The following RTN4RL1 variants were observed in gnomAD, a reference collection of about 807,000 sequenced individuals.
The protein encoded by RTN4RL1 is reticulon-4 receptor-like 1.
In RTN4RL1, 7 loss-of-function variants were observed where a neutral mutation model predicts 25.6. That is an observed-to-expected ratio of 0.27 (90% confidence interval 0.16 to 0.51). The LOEUF (loss-of-function observed/expected upper bound fraction) is 0.51. Among genes scored for constraint, RTN4RL1 ranks in the 20% least tolerant of loss-of-function variants. RTN4RL1 has a pLI of 0.97. For missense variants in RTN4RL1, 500 were observed against 615.6 expected, an observed-to-expected ratio of 0.81 and a Z score of 1.99; for synonymous variants, 297 against 288.2, an observed-to-expected ratio of 1.03 and a Z score of -0.31.
chr17:1,989,221 C>A (rs998134487), intron 1 of RTN4RL1, among the ~76,000 whole-genome samples: 2 of 152,082 alleles, frequency 1.3e-5, no homozygotes, highest in African/African-American at 4.8e-5. Flanking sequence ...AGGAGATGGA[C>A]TCAACTGATG....
At position 1,959,464 on chromosome 17, in the gene RTN4RL1, T is replaced by C. The variant is rs577621665; in HGVS notation, c.14-21656A>G. 8.7e-4 allele frequency among the ~76,000 whole-genome samples: 133 copies of C among 152,272 alleles called. 1 individual carries two copies. The highest frequency in any genetic ancestry group is 3.1e-3 in the African/African-American group (129 of 41,556). On this transcript the variant is annotated intron_variant, in intron 1 of 1. Transcript: ENST00000331238. The stretch of plus-strand genomic sequence containing the variant: ...TCTTGGTCTGCTCTTCCCGGCCTGA[T>C]GACCACATACACCTAAATCCCCAGA...
chr17:1,970,281 A>G (rs2151312891), intron 1 of RTN4RL1, among the ~76,000 whole-genome samples: 1 of 152,178 alleles, frequency 6.6e-6, no homozygotes, highest in South Asian at 2.1e-4. Flanking sequence ...TCAGCCTCCC[A>G]AAGTGCTGGT....
intron 1 of RTN4RL1, among the ~76,000 whole-genome samples, chr17:1,947,495 G>GC (rs1915581271): frequency 6.6e-6 from 1 of 152,122 alleles, no homozygotes; most frequent in Non-Finnish European, 1.5e-5. Flanking sequence ...TTCAACTCCC[G>GC]CCCTCCTCCC....
intron 1 of RTN4RL1, among the ~76,000 whole-genome samples, chr17:2,011,396 G>A (rs1487010349): frequency 1.3e-5 from 2 of 152,212 alleles, no homozygotes; most frequent in Non-Finnish European, 2.9e-5. Flanking sequence ...AACACGGTCC[G>A]ACAGGAGTCA....
intron 1 of RTN4RL1, among the ~76,000 whole-genome samples, chr17:1,970,547 C>T (rs550039140): frequency 3.9e-5 from 6 of 152,278 alleles, no homozygotes; most frequent in Admixed American, 3.3e-4. Context: ...GTGGGACAGG[C>T]GTGGCAGGAG....
intron 1 of RTN4RL1, among the ~76,000 whole-genome samples, chr17:2,022,843 G>C (rs866284494): frequency 3.9e-5 from 6 of 152,208 alleles, no homozygotes; most frequent in Admixed American, 1.3e-4. Flanking sequence ...GGAAGAAACA[G>C]CCCGAGTGGC....
chr17:1,948,581 G>GGACACAGGCGGACGGGCA (rs1344124925), intron 1 of RTN4RL1, among the ~76,000 whole-genome samples: 1 of 152,086 alleles, frequency 6.6e-6, no homozygotes, highest in Non-Finnish European at 1.5e-5. Context: ...GCAGACAGGC[G>GGACACAGGCGGACGGGCA]GACACAGGCG....
At chr17:1,963,223 G>A (rs1043425345) in intron 1 of RTN4RL1, among the ~76,000 whole-genome samples, 1 of 152,156 alleles carries the variant, frequency 6.6e-6, no homozygotes, top group Non-Finnish European at 1.5e-5. Flanking sequence ...CATCTTTCTG[G>A]GCTGAGCCAC....
intron 1 of RTN4RL1, among the ~76,000 whole-genome samples, chr17:2,024,565 G>GA (rs1462280576): frequency 6.6e-6 from 1 of 152,160 alleles, no homozygotes; most frequent in East Asian, 1.9e-4. Context: ...CCAGGAGGCC[G>GA]GCTCCCCTTC....
intron 1 of RTN4RL1, among the ~76,000 whole-genome samples, chr17:1,962,996 G>C (rs572967423): frequency 1.8e-4 from 28 of 152,056 alleles, no homozygotes; most frequent in African/African-American, 6.3e-4. Context: ...GGAGTGCAGA[G>C]GTATAATCAT....
chr17:1,942,529 C>T (rs4500775), intron 1 of RTN4RL1, among the ~76,000 whole-genome samples: 3,974 of 152,146 alleles, frequency 0.026, 166 homozygotes, highest in African/African-American at 0.09. Context: ...CTGCCATCCC[C>T]GTGCCACCTG....
chr17:1,938,590 G>A (rs753602160), intron 1 of RTN4RL1, among the ~76,000 whole-genome samples: 6 of 151,602 alleles, frequency 4.0e-5, no homozygotes, highest in Admixed American at 6.6e-5. Flanking sequence ...GAGCCACCGC[G>A]CCCGGCCAGA....
chr17:1,989,198 G>A (rs958267399), intron 1 of RTN4RL1, among the ~76,000 whole-genome samples: 1 of 152,122 alleles, frequency 6.6e-6, no homozygotes, highest in African/African-American at 2.4e-5. Flanking sequence ...GGGGATGGAG[G>A]TAAAGGATGT....
At chr17:2,019,075 G>A (rs1165072564) in intron 1 of RTN4RL1, 4 of 152,156 alleles carry the variant, frequency 2.6e-5, no homozygotes, top group Admixed American at 2.6e-4. Flanking sequence ...CTCTGCTCCT[G>A]CAGCCCTAGC....
chr17:1,947,949 C>T (rs1001406094), intron 1 of RTN4RL1, among the ~76,000 whole-genome samples: 7 of 152,276 alleles, frequency 4.6e-5, no homozygotes, highest in East Asian at 1.9e-4. Context: ...GCTGGTTGTA[C>T]GGGTGGCCCT....
intron 1 of RTN4RL1, among the ~76,000 whole-genome samples, chr17:1,980,048 A>G (rs2066860575): frequency 6.6e-6 from 1 of 151,920 alleles, no homozygotes; most frequent in African/African-American, 2.4e-5. Context: ...CACTTGGCTC[A>G]GATATATTTT....
At chr17:1,985,675 A>G (rs1344997228) in intron 1 of RTN4RL1, among the ~76,000 whole-genome samples, 1 of 152,216 alleles carries the variant, frequency 6.6e-6, no homozygotes, top group Admixed American at 6.5e-5. Flanking sequence ...GATAAAAATT[A>G]CATTGTCACA....
chr17:1,948,037 C>A (rs1915593890), intron 1 of RTN4RL1, among the ~76,000 whole-genome samples: 1 of 152,194 alleles, frequency 6.6e-6, no homozygotes, highest in Non-Finnish European at 1.5e-5. Flanking sequence ...GCTCTCCCAA[C>A]CCCCAGTGGA....
chr17:1,980,874 C>T (rs548614817), intron 1 of RTN4RL1, among the ~76,000 whole-genome samples: 12 of 134,008 alleles, frequency 9.0e-5, no homozygotes, highest in African/African-American at 2.5e-4. Context: ...GTGCGGTGTG[C>T]GGAGATCACA....
Sources: allele counts gnomAD v4.1 joint callset (sites outside exome capture counted in the v4.1 genomes callset), GRCh38; gene constraint gnomAD v4.1.1; transcripts MANE v1.5; gene names NCBI Gene and HGNC (gene_info 2026-07-23, HGNC 2026-07-21).